Variants in MTUS2 observed in about 807,000 individuals in gnomAD.
MTUS2 encodes microtubule-associated tumor suppressor candidate 2.
Under a neutral mutation model 114.1 loss-of-function variants are expected in MTUS2, and 40 were observed. The ratio of observed to expected loss-of-function variants is 0.35; its 90% CI spans 0.27 to 0.46. The LOEUF is 0.46. Among genes scored for constraint, MTUS2 ranks in the 20% least tolerant of loss-of-function variants. MTUS2 has a pLI of 1.00. For synonymous variants in MTUS2, 688 were observed against 672.0 expected, an observed-to-expected ratio of 1.02 and a Z score of -0.37; for missense variants, 1,679 against 1,705.4, an observed-to-expected ratio of 0.98 and a Z score of 0.27.
At chr13:29,001,261 G>A (rs954812891) in intron 2 of MTUS2, among the ~76,000 whole-genome samples, 1 of 152,144 alleles carries the variant, frequency 6.6e-6, no homozygotes, top group Non-Finnish European at 1.5e-5. Context: ...AGATCCTTCT[G>A]GCTATAGGGT....
chr13:29,199,378 T>C (rs1315982703), intron 5 of MTUS2, among the ~76,000 whole-genome samples: 1 of 152,236 alleles, frequency 6.6e-6, no homozygotes, highest in Non-Finnish European at 1.5e-5. Flanking sequence ...ATACTTAGTT[T>C]ATTGAGAGTT....
intron 5 of MTUS2, among the ~76,000 whole-genome samples, chr13:29,142,658 A>G (rs1404742843): frequency 6.6e-6 from 1 of 152,184 alleles, no homozygotes; most frequent in Non-Finnish European, 1.5e-5. Flanking sequence ...GTGAGCCAAG[A>G]TCGTGCCACT....
At chr13:28,974,484 A>G (rs975011199) in intron 2 of MTUS2, among the ~76,000 whole-genome samples, 4 of 152,196 alleles carry the variant, frequency 2.6e-5, no homozygotes, top group East Asian at 1.9e-4. Flanking sequence ...TTGATTCCTT[A>G]TGACCTAATT....
At chr13:29,228,797 G>A (rs113011534) in intron 5 of MTUS2, among the ~76,000 whole-genome samples, 86 of 152,188 alleles carry the variant, frequency 5.7e-4, no homozygotes, top group African/African-American at 2.0e-3. Flanking sequence ...AAAATTAGAC[G>A]TGTGATATAT....
Position 29,073,996 on chromosome 13 carries a change from C to T in MTUS2, c.2447-26777C>T, listed in dbSNP as rs192487668. ...GTAACTTAATCCATCCGCTCAGCCC[C>T]GTTCCTGCTCTCAGAACACCAGGAT... On this transcript the variant is annotated intron_variant, in intron 4 of 15. Transcript: ENST00000612955. Among the ~76,000 whole-genome samples, 115 of 152,278 alleles carry T rather than the reference C, an allele frequency of 7.6e-4. 3 individuals are homozygous for T. In the South Asian group the frequency reaches 0.022, roughly 29 times the overall value.
At chr13:28,889,871 G>C (rs1384742491) in intron 2 of MTUS2, among the ~76,000 whole-genome samples, 2 of 152,118 alleles carry the variant, frequency 1.3e-5, no homozygotes, top group Non-Finnish European at 2.9e-5. Flanking sequence ...GCATGAGAGG[G>C]CAGATCTGTT....
chr13:29,426,322 C>T lies in MTUS2; in HGVS notation c.3118-13661C>T, dbSNP rs188285572. On this transcript the variant is annotated intron_variant, in intron 8 of 15. Transcript: ENST00000612955. The stretch of plus-strand genomic sequence containing the variant: ...TTATGACAATGCACTTTCAACTTAA[C>T]GGTATTTTCAGTTTACGAGGGATTT... Among the ~76,000 whole-genome samples the T allele has an allele frequency of 3.9e-5, 6 of 152,304 alleles. No individual in the cohort carries two copies. The East Asian group carries it at 5.8e-4, about 15-fold the overall frequency.
chr13:28,988,092 A>C (rs1439700119), intron 2 of MTUS2, among the ~76,000 whole-genome samples: 1 of 152,262 alleles, frequency 6.6e-6, no homozygotes, highest in African/African-American at 2.4e-5. Flanking sequence ...TTTTACAGCC[A>C]ATGTTGAAAA....
chr13:29,096,463 T>G (rs544942762), intron 4 of MTUS2, among the ~76,000 whole-genome samples: 2 of 152,348 alleles, frequency 1.3e-5, no homozygotes, highest in East Asian at 3.9e-4. Context: ...TCTTTGAGGT[T>G]AGTTCTGACC....
At chr13:29,003,757 A>G (rs1885483075) in intron 2 of MTUS2, among the ~76,000 whole-genome samples, 1 of 152,178 alleles carries the variant, frequency 6.6e-6, no homozygotes, top group Admixed American at 6.5e-5. Flanking sequence ...CGGGTGATAG[A>G]CAAGAGCAAG....
At chr13:28,847,867 A>G (rs1204588093) in intron 2 of MTUS2, among the ~76,000 whole-genome samples, 1 of 152,058 alleles carries the variant, frequency 6.6e-6, no homozygotes, top group African/African-American at 2.4e-5. Flanking sequence ...ACGTTATGCA[A>G]AGCTCAGACT....
intron 5 of MTUS2, among the ~76,000 whole-genome samples, chr13:29,279,094 T>C (rs561113478): frequency 6.6e-6 from 1 of 152,322 alleles, no homozygotes; most frequent in East Asian, 1.9e-4. Context: ...CATTAACTTT[T>C]TAAAAAATTT....
At chr13:29,122,793 G>C (rs1278099682) in intron 5 of MTUS2, among the ~76,000 whole-genome samples, 1 of 152,042 alleles carries the variant, frequency 6.6e-6, no homozygotes, top group African/African-American at 2.4e-5. Flanking sequence ...AGACTAAATG[G>C]TGCTACTTTA....
chr13:29,031,265 T>TGTGTGTGTGTGTGTGTGTGTG (rs1435623089), intron 3 of MTUS2, among the ~76,000 whole-genome samples: 1 of 148,918 alleles, frequency 6.7e-6, no homozygotes, highest in Non-Finnish European at 1.5e-5. Context: ...TGTGTGTGTG[T>TGTGTGTGTGTGTGTGTGTGTG]GTGTGGTGTG....
intron 11 of MTUS2, among the ~76,000 whole-genome samples, chr13:29,492,032 AGTGT>A (rs1221434571): frequency 6.0e-4 from 17 of 28,316 alleles, no homozygotes; most frequent in Non-Finnish European, 9.8e-4. Context: ...GTGTGTGTGT[AGTGT>A]GTGTGTATGT....
intron 5 of MTUS2, among the ~76,000 whole-genome samples, chr13:29,205,001 A>T (rs1895124486): frequency 6.6e-6 from 1 of 152,136 alleles, no homozygotes; most frequent in East Asian, 1.9e-4. Context: ...TCCCAGTCAG[A>T]GGGACCATCA....
intron 2 of MTUS2, among the ~76,000 whole-genome samples, chr13:28,983,846 C>T (rs1389063713): frequency 6.6e-6 from 1 of 152,254 alleles, no homozygotes; most frequent in Non-Finnish European, 1.5e-5. Flanking sequence ...TGCTTTATCA[C>T]TGCTGCCAAG....
At chr13:28,923,138 A>C (rs958144234) in intron 2 of MTUS2, among the ~76,000 whole-genome samples, 1 of 152,204 alleles carries the variant, frequency 6.6e-6, no homozygotes, top group Non-Finnish European at 1.5e-5. Context: ...TCCCCGAATT[A>C]AAACAAATTC....
chr13:29,121,126 A>G (rs776335275), intron 5 of MTUS2, among the ~76,000 whole-genome samples: 5 of 152,322 alleles, frequency 3.3e-5, no homozygotes, highest in Non-Finnish European at 7.4e-5. Flanking sequence ...CAATATAGAC[A>G]TTTTATGGGA....
Sources: gnomAD v4.1 joint callset for allele counts (sites outside exome capture counted in the v4.1 genomes callset) on GRCh38, gnomAD v4.1.1 for gene constraint, MANE v1.5 for transcripts, NCBI Gene and HGNC (gene_info 2026-07-23, HGNC 2026-07-21) for gene names.